Variants in MYB observed in about 807,000 individuals in gnomAD.
MYB encodes the protein transcriptional activator Myb.
A neutral mutation model predicts 92.9 loss-of-function variants in MYB; 28 were observed. That is an observed-to-expected ratio of 0.30 (90% CI 0.22 to 0.41). MYB has a LOEUF of 0.41. Ranked by LOEUF, MYB falls within the 10% of genes least tolerant of loss-of-function variation. MYB has a pLI of 1.00. For synonymous variants in MYB, 295 were observed against 329.1 expected (o/e 0.90, Z 1.12); for missense variants, 679 against 929.3 (o/e 0.73, Z 3.50).
chr6:135,210,302 C>T (rs1779532627), intron 15 of MYB, among the ~76,000 whole-genome samples: 1 of 152,170 alleles, frequency 6.6e-6, no homozygotes. Flanking sequence ...TTTCTACTCA[C>T]TCACTTGCCT....
intron 15 of MYB, among the ~76,000 whole-genome samples, chr6:135,205,645 G>T (rs1421694299): frequency 6.6e-6 from 1 of 152,212 alleles, no homozygotes; most frequent in Non-Finnish European, 1.5e-5. Context: ...AGATTAAGTT[G>T]TGTATGGTGA....
intron 15 of MYB, among the ~76,000 whole-genome samples, chr6:135,207,963 G>A (rs185483798): frequency 1.6e-4 from 24 of 152,010 alleles, no homozygotes; most frequent in Admixed American, 4.6e-4. Context: ...CTGACCTCAA[G>A]TGATCCACCT....
chr6:135,192,590 G>A (rs1343020854), intron 6 of MYB, 32 bp downstream of exon 6: 2 of 1,589,638 alleles, frequency 1.3e-6, no homozygotes, highest in South Asian at 1.1e-5. Flanking sequence ...AGTTTAATGA[G>A]AGAGACGGTT....
At chr6:135,196,194 AG>A (rs1381079280) in intron 9 of MYB, among the ~76,000 whole-genome samples, 192 bp downstream of exon 9, 14 of 152,186 alleles carry the variant, frequency 9.2e-5, no homozygotes, top group Admixed American at 7.2e-4. Flanking sequence ...GAGAGACAAA[AG>A]TATTTATAAA....
In MYB at chr6:135,181,674, G is replaced by T; in HGVS notation, c.23+138G>T. 6.5e-6 allele frequency: 3 copies of T among 459,846 alleles called. No individual in the cohort carries two copies. The highest frequency in any genetic ancestry group is 6.1e-6 in the Non-Finnish European group (2 of 327,964). 28.5% of individuals were successfully genotyped at this position (459,846 alleles called of 1,614,324 possible). On this transcript the variant is annotated intron_variant, in intron 1 of 15. Transcript: ENST00000341911. This position sits in a 1 kb window ranked among gnomAD's most constrained non-coding sequence, Gnocchi z 5.3. Reference sequence around the variant, plus strand: ...GACCCTCCGAGGACCTGGAGCCCCTGCCTCGGCAGCAGAAGCCGCTCCAGA... The same window carrying T: ...GACCCTCCGAGGACCTGGAGCCCCTTCCTCGGCAGCAGAAGCCGCTCCAGA...
chr6:135,195,015 A>G, intron 8 of MYB: 1 of 1,337,500 alleles, frequency 7.5e-7, no homozygotes, highest in Non-Finnish European at 9.9e-7. Flanking sequence ...GCCAACTGGG[A>G]TGGCTCCTTG....
rs1775288832 is a variant in MYB at position 135,182,870 on chromosome 6, G to A, written c.23+1334G>A. Among the ~76,000 whole-genome samples, 1 of 152,152 alleles carries A rather than the reference G, an allele frequency of 6.6e-6. No individual in the cohort carries two copies. The highest frequency in any genetic ancestry group is 2.1e-4 in the South Asian group (1 of 4,834). ...CGCCGGGGCTTGGTTGGGCTCTGGG[G>A]ACGAGAGGGCGACTTGGGGGAGCTC... On this transcript the variant is annotated intron_variant, in intron 1 of 15. Transcript: ENST00000341911. The surrounding 1 kb of genome is among the most constrained non-coding windows in gnomAD (Gnocchi z 5.6).
At chr6:135,203,883 T>C (rs1006201557) in intron 15 of MYB, 22 of 1,192,046 alleles carry the variant, frequency 1.8e-5, no homozygotes, top group Non-Finnish European at 2.0e-5. Flanking sequence ...CAAAAGAGAT[T>C]TCCCTTGTAA....
intron 15 of MYB, among the ~76,000 whole-genome samples, chr6:135,212,953 C>CT (rs536912385): frequency 1.3e-4 from 19 of 151,618 alleles, no homozygotes; most frequent in Non-Finnish European, 2.2e-4. Context: ...GGGAGCGTTT[C>CT]TTTTTTTTTG....
At position 135,218,072 on chromosome 6, in the gene MYB, G is replaced by A; in HGVS notation, c.*92G>A. On this transcript the variant is annotated 3_prime_UTR_variant, in exon 16 of 16. Coordinates refer to ENST00000341911, the MANE Select transcript of MYB (RefSeq NM_001130173.2). Reference sequence around the variant, plus strand: ...AACATGAAACTTTTCATGAATGGGAGAAGAACCTATTTTTGTTGTGGTACA... The same window carrying A: ...AACATGAAACTTTTCATGAATGGGAAAAGAACCTATTTTTGTTGTGGTACA... 1 of 997,486 alleles carries A rather than the reference G, an allele frequency of 1.0e-6. No individual in the cohort carries two copies. Among genetic ancestry groups the A allele is most frequent in the South Asian group, 1.3e-5 (1 of 75,882 alleles). 61.8% of individuals were successfully genotyped at this position (997,486 alleles called of 1,614,324 possible).
At chr6:135,217,357 A>AT (rs1040840780) in intron 15 of MYB, among the ~76,000 whole-genome samples, 18 of 146,388 alleles carry the variant, frequency 1.2e-4, no homozygotes, top group African/African-American at 4.4e-4. Context: ...ATGACAGAGC[A>AT]TGACTCTGTC....
intron 10 of MYB, 64 bp downstream of exon 10, chr6:135,197,387 A>T: frequency 7.6e-7 from 1 of 1,324,498 alleles, no homozygotes; most frequent in Non-Finnish European, 1.0e-6. Flanking sequence ...TTAATAATCT[A>T]GAAACTAATA....
intron 15 of MYB, chr6:135,203,949 C>T (rs1461753126): frequency 1.8e-6 from 2 of 1,084,144 alleles, no homozygotes; most frequent in Admixed American, 9.4e-5. Context: ...AATCCTGAGC[C>T]AAATGTAAAT....
rs1780090177 is a variant in MYB at position 135,214,013 on chromosome 6, C to T, written c.2170-3851C>T. On this transcript the variant is annotated intron_variant, in intron 15 of 15. Transcript: ENST00000341911. ...ATTCTGGCTGGTTGTAGTAGCTTAT[C>T]CTTAATCCTAACCCTATGAGAGGCC... Among the ~76,000 whole-genome samples the T allele has an allele frequency of 2.0e-5, 3 of 152,140 alleles. 1 individual carries two copies. The South Asian group carries it at 6.2e-4, about 32-fold the overall frequency.
chr6:135,201,068 C>T (rs1161351040), intron 13 of MYB, among the ~76,000 whole-genome samples: 1 of 152,052 alleles, frequency 6.6e-6, no homozygotes, highest in African/African-American at 2.4e-5. Flanking sequence ...GACAGCAAGA[C>T]TCCGTCTCAA....
chr6:135,196,863 T>C (rs1777392621), intron 9 of MYB, 98 bp from the exon 10 acceptor site: 2 of 1,587,500 alleles, frequency 1.3e-6, no homozygotes, highest in African/African-American at 1.3e-5. Context: ...CCAACGGGCC[T>C]AGTGTTTGCT....
chr6:135,212,224 C>CTTTT (rs545704827), intron 15 of MYB, among the ~76,000 whole-genome samples: 399 of 32,878 alleles, frequency 0.012, 5 homozygotes, highest in African/African-American at 0.015. Context: ...TTTGGTTTTA[C>CTTTT]TTTTTTTTTT....
At chr6:135,199,426 T>TA in intron 11 of MYB, 1 of 343,918 alleles carries the variant, frequency 2.9e-6, no homozygotes, top group Non-Finnish European at 4.5e-6. Context: ...TATGGTTTCT[T>TA]ACCTAGTTTG....
In MYB at chr6:135,181,738, G is replaced by A. The variant is rs1408662369; in HGVS notation, c.23+202G>A. Among the ~76,000 whole-genome samples, 1 of 152,236 alleles carries A rather than the reference G, an allele frequency of 6.6e-6. No individual in the cohort carries two copies. Among genetic ancestry groups the A allele is most frequent in the East Asian group, 1.9e-4 (1 of 5,198 alleles). On this transcript the variant is annotated intron_variant, in intron 1 of 15. Coordinates refer to ENST00000341911, the MANE Select transcript of MYB (RefSeq NM_001130173.2). The surrounding 1 kb of genome is among the most constrained non-coding windows in gnomAD (Gnocchi z 5.3). ...AAGAGTCTTTGCGGGAAATGTATCCGGACGTTGGGAAGCACGCCCTGCGGC... is the reference window on the plus strand; with the variant it reads ...AAGAGTCTTTGCGGGAAATGTATCCAGACGTTGGGAAGCACGCCCTGCGGC...
Sources: allele counts gnomAD v4.1 joint callset (sites outside exome capture counted in the v4.1 genomes callset), GRCh38; gene constraint gnomAD v4.1.1; non-coding constraint Gnocchi (gnomAD v3.1); transcripts MANE v1.5; gene names NCBI Gene and HGNC (gene_info 2026-07-23, HGNC 2026-07-21).